The following CDC26 variants were observed in gnomAD, a reference collection of about 807,000 sequenced individuals.
The protein encoded by CDC26 is anaphase-promoting complex subunit CDC26.
A neutral mutation model predicts 8.0 loss-of-function variants in CDC26; 2 were observed. The observed-to-expected ratio is 0.25, with a 90% CI of 0.10 to 0.79. CDC26 has a LOEUF of 0.79. CDC26 is among the 30% of genes least tolerant of loss of function. The pLI is 0.70. For synonymous variants in CDC26, 19 were observed against 34.9 expected (o/e 0.55, Z 1.60); for missense variants, 68 against 106.0 (o/e 0.64, Z 1.57).
chr9:113,267,493 T>C, intron 3 of CDC26, 54 bp from the exon 4 acceptor site: 7 of 1,561,058 alleles, frequency 4.5e-6, no homozygotes, highest in Non-Finnish European at 6.1e-6. Flanking sequence ...TTAGCAAATG[T>C]TTATTTAGAA....
chr9:113,268,699 T>C (rs1831903965), intron 3 of CDC26, among the ~76,000 whole-genome samples: 1 of 152,146 alleles, frequency 6.6e-6, no homozygotes, highest in Non-Finnish European at 1.5e-5. Flanking sequence ...GAGGATTGCT[T>C]GAGCCCAGGA....
rs1564227682 is a variant in CDC26 at position 113,267,062 on chromosome 9, A to G, written c.*201T>C. On this transcript the variant is annotated 3_prime_UTR_variant, in exon 4 of 4. Coordinates refer to ENST00000374206, the MANE Select transcript of CDC26 (RefSeq NM_139286.4). ...ACAGAAAATCAGATCAGTTTTATAG[A>G]GTCAAATTTTCAAGAGACAAACCAG... 1 of 486,296 alleles carries G rather than the reference A, an allele frequency of 2.1e-6. No homozygotes were observed. The highest frequency in any genetic ancestry group is 3.6e-6 in the Non-Finnish European group (1 of 277,844). The allele number at this position is 486,296 out of a possible 1,614,324, so 30.1% of individuals were successfully genotyped here. A position where few individuals can be genotyped will look rare whatever the true frequency, so the allele number is the denominator to read the frequency against.
intron 1 of CDC26, 27 bp downstream of exon 1, chr9:113,275,355 C>T (rs1187964455): frequency 5.3e-6 from 1 of 189,318 alleles, no homozygotes; most frequent in Admixed American, 6.2e-5. Flanking sequence ...GAGTTCAGCC[C>T]CGAGCCGCGC....
chr9:113,268,192 G>A (rs1025845052), intron 3 of CDC26, among the ~76,000 whole-genome samples: 2 of 152,164 alleles, frequency 1.3e-5, no homozygotes, highest in African/African-American at 4.8e-5. Flanking sequence ...ACAAGTGAGA[G>A]CAAAGGGCAT....
At chr9:113,273,019 T>C (rs551354339) in intron 2 of CDC26, among the ~76,000 whole-genome samples, 13 of 152,194 alleles carry the variant, frequency 8.5e-5, no homozygotes, top group Non-Finnish European at 8.8e-5. Flanking sequence ...GGTATGTGAT[T>C]ATTACATTTT....
chr9:113,274,126 G>A (rs779677205), intron 1 of CDC26, among the ~76,000 whole-genome samples: 18 of 152,280 alleles, frequency 1.2e-4, no homozygotes, highest in Non-Finnish European at 2.2e-4. Context: ...ACCCTGTGAA[G>A]TTGACAAAAT....
At chr9:113,274,612 G>A (rs1267671932) in intron 1 of CDC26, among the ~76,000 whole-genome samples, 1 of 152,158 alleles carries the variant, frequency 6.6e-6, no homozygotes, top group Admixed American at 6.5e-5. Context: ...TAGATTAACA[G>A]TTAAAAGTGC....
chr9:113,272,279 C>T (rs537637034), intron 3 of CDC26, 148 bp downstream of exon 3: 45 of 623,786 alleles, frequency 7.2e-5, no homozygotes, highest in South Asian at 5.2e-4. Context: ...ATGAGCTGGG[C>T]GTGCTGGCAT....
In CDC26 at chr9:113,275,544, C is replaced by G. The variant is rs1832054760; in HGVS notation, c.-314G>C. 4 of 553,340 alleles carry G rather than the reference C, an allele frequency of 7.2e-6. No individual in the cohort carries two copies. The South Asian group carries it at 9.0e-5, about 13-fold the overall frequency. 34.3% of individuals were successfully genotyped at this position (553,340 alleles called of 1,614,324 possible). ...CCTGGAGGTTCTAGGAGGGATGCCC[C>G]TCAATGCCACGACGCCATTTCCTAC... On this transcript the variant is annotated 5_prime_UTR_variant, in exon 1 of 4. Transcript: ENST00000374206.
intron 1 of CDC26, among the ~76,000 whole-genome samples, chr9:113,275,125 G>A (rs1168845440): frequency 2.0e-5 from 3 of 152,078 alleles, no homozygotes; most frequent in African/African-American, 4.8e-5. Context: ...ATCTCCCGCC[G>A]CAGCCCAAAT....
chr9:113,269,962 C>G, intron 3 of CDC26, among the ~76,000 whole-genome samples: 1 of 152,174 alleles, frequency 6.6e-6, no homozygotes, highest in Non-Finnish European at 1.5e-5. Context: ...TCCTTTGGAC[C>G]TGGTATTGCA....
At chr9:113,268,758 AT>A (rs35653672) in intron 3 of CDC26, among the ~76,000 whole-genome samples, 3,443 of 147,552 alleles carry the variant, frequency 0.023, 53 homozygotes, top group Non-Finnish European at 0.031. Context: ...TGTCTCCACA[AT>A]TTTTTTTTTT....
intron 2 of CDC26, 52 bp from the exon 3 acceptor site, chr9:113,272,600 T>C (rs1011604768): frequency 8.0e-6 from 7 of 869,814 alleles, no homozygotes; most frequent in Admixed American, 2.0e-5. Context: ...AAGTCTCAGA[T>C]ACAAAACATA....
chr9:113,268,514 A>C (rs1309511179), intron 3 of CDC26, among the ~76,000 whole-genome samples: 2 of 152,244 alleles, frequency 1.3e-5, no homozygotes, highest in Non-Finnish European at 2.9e-5. Flanking sequence ...TAAGAGAGTG[A>C]AATGATGTTT....
intron 2 of CDC26, among the ~76,000 whole-genome samples, chr9:113,273,107 A>G (rs1048053318): frequency 1.3e-5 from 2 of 152,242 alleles, no homozygotes; most frequent in Non-Finnish European, 1.5e-5. Flanking sequence ...AACTGCCTAT[A>G]AGAGAGAAAT....
chr9:113,269,898 A>G (rs1231518070), intron 3 of CDC26, among the ~76,000 whole-genome samples: 1 of 152,256 alleles, frequency 6.6e-6, no homozygotes, highest in African/African-American at 2.4e-5. Context: ...CCTCTGCCAT[A>G]TAGTACAAGA....
intron 3 of CDC26, among the ~76,000 whole-genome samples, chr9:113,270,717 A>G (rs747719468): frequency 2.6e-5 from 4 of 152,212 alleles, no homozygotes; most frequent in Non-Finnish European, 4.4e-5. Flanking sequence ...TGGCATGTTC[A>G]AGGAAATGAA....
chr9:113,272,642 A>T, intron 2 of CDC26, 94 bp from the exon 3 acceptor site: 2 of 616,252 alleles, frequency 3.2e-6, no homozygotes, highest in South Asian at 4.0e-5. Flanking sequence ...TACTAAAGTG[A>T]ATGGAAATAT....
intron 3 of CDC26, 87 bp from the exon 4 acceptor site, chr9:113,267,526 G>C: frequency 6.8e-7 from 1 of 1,465,822 alleles, no homozygotes; most frequent in Non-Finnish European, 9.2e-7. Flanking sequence ...ACTAGGCATG[G>C]GCTAAATGAT....
Sources: gnomAD v4.1 joint callset for allele counts (sites outside exome capture counted in the v4.1 genomes callset) on GRCh38, gnomAD v4.1.1 for gene constraint, MANE v1.5 for transcripts, NCBI Gene and HGNC (gene_info 2026-07-23, HGNC 2026-07-21) for gene names.